RTL1: variants seen among roughly 807,000 people sequenced by gnomAD.
The protein encoded by RTL1 is retrotransposon Gag like 1.
For synonymous variants in RTL1, 727 were observed against 748.4 expected, an observed-to-expected ratio of 0.97 and a Z score of 0.47; for missense variants, 1,681 against 1,767.5, an observed-to-expected ratio of 0.95 and a Z score of 0.88.
At chr14:100,885,978 G>A (rs1002381353) in intron 3 of RTL1, among the ~76,000 whole-genome samples, 4 of 152,260 alleles carry the variant, frequency 2.6e-5, no homozygotes, top group Non-Finnish European at 5.9e-5. Context: ...GACATCTTTG[G>A]AATCTGACGG....
At position 100,884,792 on chromosome 14, in the gene RTL1, G is replaced by A. The variant is rs754815963; in HGVS notation, c.-4C>T. 38 of 1,554,704 alleles carry A rather than the reference G, an allele frequency of 2.4e-5. No homozygotes were observed. The highest frequency in any genetic ancestry group is 8.3e-5 in the African/African-American group (6 of 72,548). On this transcript the variant is annotated 5_prime_UTR_variant, in exon 4 of 4. The change creates a new upstream start codon in the 5' untranslated region. Coordinates refer to ENST00000649591, the MANE Select transcript of RTL1 (RefSeq NM_001134888.3). ...AGTCTTCAGAGGGTTCTATCATTTC[G>A]TCGGATGGAAAGGAGTGTATTCTGA... is the stretch of plus-strand genomic sequence containing the variant.
Position 100,880,817 on chromosome 14 carries a change from C to G in RTL1, c.3972G>C (p.Leu1324=), listed in dbSNP as rs1334650641. The change falls in exon 4 of 4, where the codon CTG becomes CTC. Residue 1324 remains leucine (L), a synonymous_variant. Transcript: ENST00000649591. ...GGATGGGCAGGGCCCGCCTGTAGAT[C>G]AGGGTCAGGAACTGGCTCAGGGCCC... ...AARALSQFLT[L]IYRRALPIPA... 9 of 1,550,626 alleles carry G rather than the reference C, an allele frequency of 5.8e-6. No individual in the cohort carries two copies. The highest frequency in any genetic ancestry group is 7.8e-6 in the Non-Finnish European group (9 of 1,146,940).
rs978027407 is a variant in RTL1, at chr14:100,883,564, G to C, written c.1225C>G (p.Leu409Val). 3.2e-6 allele frequency: 5 copies of C among 1,551,514 alleles called. No individual in the cohort carries two copies. The African/African-American group carries it at 6.8e-5, about 21-fold the overall frequency. The change falls in exon 4 of 4, where the codon CTC (leucine) becomes GTC (valine). Residue 409 changes from leucine (L) to valine (V), a missense_variant. Leu to Val is a conservative substitution (Grantham distance 32, BLOSUM62 1). Transcript: ENST00000649591. This position sits in a 1 kb window ranked among gnomAD's most constrained non-coding sequence, Gnocchi z 5.9. ...EVHPDINRAH[L>V]FLLLMVRVNP... ...ACTCTCACCATGAGCAGCAGGAAGA[G>C]GTGGGCGCGATTGATGTCCGGATGG... is the stretch of plus-strand genomic sequence containing the variant.
chr14:100,892,159 C>A (rs1000984978), intron 3 of RTL1, among the ~76,000 whole-genome samples: 1 of 152,172 alleles, frequency 6.6e-6, no homozygotes, highest in Non-Finnish European at 1.5e-5. Flanking sequence ...AGAGTGGAAC[C>A]TGCTCATCTC....
At chr14:100,885,114 T>C (rs1950623) in intron 3 of RTL1, among the ~76,000 whole-genome samples, 2 of 152,104 alleles carry the variant, frequency 1.3e-5, no homozygotes, top group Non-Finnish European at 2.9e-5. Flanking sequence ...TGTCCTGTCC[T>C]TTTCCTCCAT....
At position 100,881,443 on chromosome 14, in the gene RTL1, C is replaced by A; in HGVS notation, c.3346G>T (p.Ala1116Ser). Residue 1116 changes from alanine to serine, a missense_variant, in exon 4 of 4, where the codon GCT (alanine) becomes TCT (serine). Physicochemically the swap from Ala to Ser is moderately conservative, Grantham distance 99 (BLOSUM62 1). Coordinates refer to ENST00000649591, the MANE Select transcript of RTL1 (RefSeq NM_001134888.3). This position sits in a 1 kb window ranked among gnomAD's most constrained non-coding sequence, Gnocchi z 6.6. ...SLRPAPAMRV[A>S]RPQPQRSLRL... is the part of the protein sequence containing the mutation. ...AGGGAGCGCTGGGGCTGGGGCCGAG[C>A]CACCCGCATGGCGGGTGCCGGCCGC... The A allele has an allele frequency of 1.9e-6, 3 of 1,550,776 alleles. No homozygotes were observed. Among genetic ancestry groups the A allele is most frequent in the Non-Finnish European group, 1.7e-6 (2 of 1,146,910 alleles).
rs554899525 is a variant in RTL1 at position 100,890,074 on chromosome 14, G to GGAAAAA, written c.-87+3369_-87+3370insTTTTTC. Among the ~76,000 whole-genome samples the GGAAAAA allele has an allele frequency of 5.5e-4, 68 of 123,866 alleles. 4 individuals carry two copies. Among genetic ancestry groups the GGAAAAA allele is most frequent in the Middle Eastern group, 9.5e-3 (2 of 210 alleles). 81.3% of individuals were successfully genotyped at this position (123,866 alleles called of 152,430 possible). A position where few individuals can be genotyped will look rare whatever the true frequency, so the allele number is the denominator to read the frequency against. On this transcript the variant is annotated intron_variant, in intron 3 of 3. Coordinates refer to ENST00000649591, the MANE Select transcript of RTL1 (RefSeq NM_001134888.3). ...TGATTTGAAAATTCCCGCCTTATTT[G>GGAAAAA]AAAAAAAAAAAAAAAAAAAGAAGCC...
At chr14:100,902,260 G>T (rs2038952804) in intron 2 of RTL1, among the ~76,000 whole-genome samples, 1 of 152,172 alleles carries the variant, frequency 6.6e-6, no homozygotes, top group Non-Finnish European at 1.5e-5. Context: ...GCAGGCTGTG[G>T]GCTCCCTCTC....
In RTL1 at chr14:100,882,506, G is replaced by C. The variant is rs545944622; in HGVS notation, c.2283C>G (p.Val761=). ...QVLVRFRHHN[V]YCSLDKSQFH... ...ACTGGCTCTTGTCCAGGGAGCAGTA[G>C]ACGTTGTGATGGCGGAAGCGGACCA... Residue 761 remains valine, a synonymous_variant, in exon 4 of 4, where the codon GTC becomes GTG. Transcript: ENST00000649591. 1 of 1,551,988 alleles carries C rather than the reference G, an allele frequency of 6.4e-7. No homozygotes were observed. The highest frequency in any genetic ancestry group is 1.2e-5 in the South Asian group (1 of 84,058).
intron 2 of RTL1, among the ~76,000 whole-genome samples, chr14:100,895,827 C>CT (rs1367021975): frequency 6.6e-6 from 1 of 152,166 alleles, no homozygotes; most frequent in Non-Finnish European, 1.5e-5. Flanking sequence ...AATCCCAGCA[C>CT]TTTCGGAGGC....
rs765412438 is a variant in RTL1, at chr14:100,883,833, T to C, written c.956A>G (p.Asp319Gly). 6 of 1,551,674 alleles carry C rather than the reference T, an allele frequency of 3.9e-6. No homozygotes were observed. Among genetic ancestry groups the C allele is most frequent in the Non-Finnish European group, 4.4e-6 (5 of 1,146,988 alleles). The change falls in exon 4 of 4, where the codon GAT becomes GGT. Residue 319 changes from aspartate to glycine, a missense_variant. Physicochemically the swap from Asp to Gly is moderately conservative, Grantham distance 94 (BLOSUM62 -1). Coordinates refer to ENST00000649591, the MANE Select transcript of RTL1 (RefSeq NM_001134888.3). This position sits in a 1 kb window ranked among gnomAD's most constrained non-coding sequence, Gnocchi z 5.9. ...QSLVPILGWP[D>G]EVLQAHLCQG... Reference sequence around the variant, plus strand: ...GCACAAGTGGGCCTGCAGGACTTCATCTGGCCAGCCCAAGATGGGTACCAG... The same window carrying C: ...GCACAAGTGGGCCTGCAGGACTTCACCTGGCCAGCCCAAGATGGGTACCAG...
intron 2 of RTL1, among the ~76,000 whole-genome samples, chr14:100,902,584 G>C (rs557852796): frequency 6.6e-6 from 1 of 151,900 alleles, no homozygotes; most frequent in Non-Finnish European, 1.5e-5. Flanking sequence ...CTGGCCTCCC[G>C]GCCAGCCCTG....
At chr14:100,892,876 C>T (rs913938258) in intron 3 of RTL1, among the ~76,000 whole-genome samples, 1 of 152,172 alleles carries the variant, frequency 6.6e-6, no homozygotes, top group African/African-American at 2.4e-5. Flanking sequence ...ACTGACTTTG[C>T]TCCTAACGAG....
chr14:100,880,738 C>T lies in RTL1; in HGVS notation c.4051G>A (p.Glu1351Lys), dbSNP rs1219048966. 1 of 1,550,936 alleles carries T rather than the reference C, an allele frequency of 6.4e-7. No homozygotes were observed. The highest frequency in any genetic ancestry group is 8.7e-7 in the Non-Finnish European group (1 of 1,146,966). Reference sequence around the variant, plus strand: ...CAGTCGAGGTTAGCATCTTCGTCCTCATCAGGCAGCTCTTCTAGCCTTGCC... The same window carrying T: ...CAGTCGAGGTTAGCATCTTCGTCCTTATCAGGCAGCTCTTCTAGCCTTGCC... ...EQARLEELPD[E>K]DEDANLD Residue 1351 changes from glutamate to lysine, a missense_variant, in exon 4 of 4, where the codon GAG becomes AAG. Glu to Lys is a moderately conservative substitution (Grantham distance 56). Coordinates refer to ENST00000649591, the MANE Select transcript of RTL1 (RefSeq NM_001134888.3).
chr14:100,879,958 CA>C lies in RTL1; in HGVS notation c.*753del, dbSNP rs1221959998. Among the ~76,000 whole-genome samples, 2 of 151,824 alleles carry C rather than the reference CA, an allele frequency of 1.3e-5. No individual in the cohort carries two copies. The highest frequency in any genetic ancestry group is 6.6e-5 in the Admixed American group (1 of 15,252). ...CTGCACCCCTGCACTGTCCAGTGTT[CA>C]GTGTTGGGAGGGAAAGGCGCCCCAA... On this transcript the variant is annotated 3_prime_UTR_variant, in exon 4 of 4. Transcript: ENST00000649591.
intron 3 of RTL1, among the ~76,000 whole-genome samples, chr14:100,890,893 G>A (rs1294968935): frequency 6.6e-6 from 1 of 152,202 alleles, no homozygotes; most frequent in African/African-American, 2.4e-5. Flanking sequence ...GACCCTGGGA[G>A]GGTTTGTTAT....
At chr14:100,894,370 C>T (rs190871806) in intron 2 of RTL1, among the ~76,000 whole-genome samples, 22 of 152,126 alleles carry the variant, frequency 1.4e-4, no homozygotes, top group African/African-American at 5.3e-4. Context: ...AGTCTGGGCC[C>T]CGGCCTCTGT....
In RTL1 at chr14:100,881,204, C is replaced by A. The variant is rs373410691; in HGVS notation, c.3585G>T (p.Thr1195=). 6 of 1,543,138 alleles carry A rather than the reference C, an allele frequency of 3.9e-6. No individual in the cohort carries two copies. The highest frequency in any genetic ancestry group is 2.0e-5 in the Admixed American group (1 of 50,612). The stretch of plus-strand genomic sequence containing the variant: ...CTCTGACACCGAAGAACTCACACAG[C>A]GTCAGCCAGAAGCCAGGGGTGAACT... ...GLQFTPGFWL[T]LCEFFGVRVT... is the part of the protein sequence containing the mutation. Residue 1195 remains threonine (T), a synonymous_variant, in exon 4 of 4, where the codon ACG becomes ACT. Coordinates refer to ENST00000649591, the MANE Select transcript of RTL1 (RefSeq NM_001134888.3). The surrounding 1 kb of genome is among the most constrained non-coding windows in gnomAD (Gnocchi z 6.6).
rs946099315 is a variant in RTL1, at chr14:100,883,177, G to T, written c.1612C>A (p.Pro538Thr). The T allele has an allele frequency of 7.0e-6, 11 of 1,576,716 alleles. No homozygotes were observed. The highest frequency in any genetic ancestry group is 8.6e-6 in the Non-Finnish European group (10 of 1,158,350). ...CTCTCTAGGGCAATGCATGGCGGGG[G>T]CGGGCGGAAGCAGTTCTTCAGGCAG... Reference protein sequence around the residue: ...PYCLKNCFRPPPPCIALERHG... With the variant: ...PYCLKNCFRPTPPCIALERHG... Residue 538 changes from proline (P) to threonine (T), a missense_variant, in exon 4 of 4, where the codon CCC becomes ACC. Pro to Thr is a conservative substitution (Grantham distance 38). Coordinates refer to ENST00000649591, the MANE Select transcript of RTL1 (RefSeq NM_001134888.3). The surrounding 1 kb of genome is among the most constrained non-coding windows in gnomAD (Gnocchi z 5.9).
Sources: allele counts gnomAD v4.1 joint callset (sites outside exome capture counted in the v4.1 genomes callset), GRCh38; gene constraint gnomAD v4.1.1; non-coding constraint Gnocchi (gnomAD v3.1); transcripts MANE v1.5; gene names NCBI Gene and HGNC (gene_info 2026-07-23, HGNC 2026-07-21).